LPAR5: variants seen among roughly 807,000 people sequenced by gnomAD.
LPAR5 encodes the protein lysophosphatidic acid receptor 5, also known as G protein-coupled receptor 92.
For synonymous variants in LPAR5, 271 were observed against 261.6 expected (o/e 1.04, Z -0.35); for missense variants, 544 against 521.8 (o/e 1.04, Z -0.41).
At chr12:6,630,713 A>G (rs754894174) in intron 1 of LPAR5, among the ~76,000 whole-genome samples, 1 of 151,830 alleles carries the variant, frequency 6.6e-6, no homozygotes, top group East Asian at 1.9e-4. Context: ...CGGCCTCCCA[A>G]AGTGCTGAGA....
Position 6,635,906 on chromosome 12 carries a change from C to T in LPAR5, c.-217+1G>A, listed in dbSNP as rs1949005785. The T allele has an allele frequency of 6.5e-6, 1 of 152,772 alleles. No individual in the cohort carries two copies. The highest frequency in any genetic ancestry group is 2.1e-4 in the South Asian group (1 of 4,852). The allele number at this position is 152,772 out of a possible 1,614,324, so 9.5% of individuals were successfully genotyped here. ...CAGTTCAATTCGTGACACCCCCATA[C>T]CTGTGCTCCGTGTTGCTCTGCGCTG... On this transcript the variant is annotated splice_donor_variant, in intron 1 of 1. Transcript: ENST00000329858. LOFTEE classifies it low-confidence loss of function (5UTR_SPLICE).
intron 1 of LPAR5, among the ~76,000 whole-genome samples, chr12:6,635,086 CAA>C (rs11438544): frequency 1.4e-4 from 17 of 118,758 alleles, no homozygotes; most frequent in East Asian, 4.8e-4. Context: ...GACTCTGTCT[CAA>C]AAAAAAAAAA....
intron 1 of LPAR5, among the ~76,000 whole-genome samples, chr12:6,630,601 C>T (rs1948975288): frequency 6.6e-6 from 1 of 151,628 alleles, no homozygotes; most frequent in South Asian, 2.1e-4. Flanking sequence ...TACAGGTGCA[C>T]GCCACCATGC....
intron 1 of LPAR5, among the ~76,000 whole-genome samples, chr12:6,628,631 CTTT>C (rs1179212069): frequency 0.058 from 7,298 of 125,966 alleles, 642 homozygotes; most frequent in African/African-American, 0.19. Context: ...CAGCTAATTT[CTTT>C]TTTTTTTTTT....
In LPAR5 at chr12:6,620,340, G is replaced by T; in HGVS notation, c.909C>A (p.Gly303=). 1 of 1,610,758 alleles carries T rather than the reference G, an allele frequency of 6.2e-7. No homozygotes were observed. Among genetic ancestry groups the T allele is most frequent in the Non-Finnish European group, 8.5e-7 (1 of 1,178,748 alleles). The change falls in exon 2 of 2, where the codon GGC becomes GGA. Residue 303 remains glycine, a synonymous_variant. Transcript: ENST00000329858. The surrounding 1 kb of genome is among the most constrained non-coding windows in gnomAD (Gnocchi z 6.8). ...CCAGGCCGCGCAGGGTGTTGCGGAA[G>T]CCCTCGGCGCTAAAGTAGTACACCA... is the stretch of plus-strand genomic sequence containing the variant. The part of the protein sequence containing the change: ...DPLVYYFSAE[G]FRNTLRGLGT...
At position 6,628,310 on chromosome 12, in the gene LPAR5, C is replaced by G. The variant is rs576949558; in HGVS notation, c.-216-6846G>C. Among the ~76,000 whole-genome samples the G allele has an allele frequency of 2.0e-5, 3 of 152,210 alleles. No individual in the cohort carries two copies. In the East Asian group the frequency reaches 5.8e-4, roughly 29 times the overall value. The stretch of plus-strand genomic sequence containing the variant: ...AGCTGGGATTACAGGCGTGAGCCAC[C>G]GCGCCAGGCCCACTTGATCATTCTT... On this transcript the variant is annotated intron_variant, in intron 1 of 1. Coordinates refer to ENST00000329858, the MANE Select transcript of LPAR5 (RefSeq NM_020400.6).
intron 1 of LPAR5, among the ~76,000 whole-genome samples, chr12:6,622,711 C>G (rs1308792567): frequency 6.6e-6 from 1 of 151,810 alleles, no homozygotes; most frequent in African/African-American, 2.4e-5. Flanking sequence ...CCATTGCACT[C>G]CGGCCTGGGT....
intron 1 of LPAR5, among the ~76,000 whole-genome samples, chr12:6,624,240 T>C (rs1283315378): frequency 1.3e-5 from 2 of 152,056 alleles, no homozygotes; most frequent in African/African-American, 4.8e-5. Context: ...GGTTGAGTTT[T>C]GCCAAGTGCT....
chr12:6,632,349 T>C (rs80256009), intron 1 of LPAR5, among the ~76,000 whole-genome samples: 2,759 of 152,222 alleles, frequency 0.018, 101 homozygotes, highest in African/African-American at 0.063. Flanking sequence ...AAGAAGGTTC[T>C]TACATCTCCC....
In LPAR5 at chr12:6,620,773, A is replaced by C. The variant is rs1202710405; in HGVS notation, c.476T>G (p.Val159Gly). 1.3e-6 allele frequency: 2 copies of C among 1,588,036 alleles called. No homozygotes were observed. Among genetic ancestry groups the C allele is most frequent in the Admixed American group, 1.8e-5 (1 of 56,550 alleles). ...GTAGCGGCAACGCGAGGGCCTGTGC[A>C]CGCGGGCGGCGGGCACGGCAAACAC... ...ILVFAVPAARVHRPSRCRYRD... is the reference protein window; with the variant it reads ...ILVFAVPAARGHRPSRCRYRD... The change falls in exon 2 of 2, where the codon GTG (valine) becomes GGG (glycine). Residue 159 changes from valine to glycine, a missense_variant. Physicochemically the swap from Val to Gly is moderately radical, Grantham distance 109. Transcript: ENST00000329858. The surrounding 1 kb of genome is among the most constrained non-coding windows in gnomAD (Gnocchi z 6.8).
rs997073163 is a variant in LPAR5, at chr12:6,620,589, G to A, written c.660C>T (p.Arg220=). 2 of 1,551,066 alleles carry A rather than the reference G, an allele frequency of 1.3e-6. No homozygotes were observed. The highest frequency in any genetic ancestry group is 8.7e-7 in the Non-Finnish European group (1 of 1,147,662). The change falls in exon 2 of 2, where the codon CGC becomes CGT. Residue 220 remains arginine (R), a synonymous_variant. Transcript: ENST00000329858. This position sits in a 1 kb window ranked among gnomAD's most constrained non-coding sequence, Gnocchi z 6.8. ...SSGRVFWTLA[R]PDATQSQRRR... is the part of the protein sequence containing the mutation. ...GCCGCTGGCTCTGCGTGGCGTCGGG[G>A]CGCGCCAGCGTCCAGAAGACTCGGC... is the stretch of plus-strand genomic sequence containing the variant.
chr12:6,633,434 A>C (rs1271308898), intron 1 of LPAR5, among the ~76,000 whole-genome samples: 1 of 149,170 alleles, frequency 6.7e-6, no homozygotes, highest in African/African-American at 2.5e-5. Flanking sequence ...TCTGAGATGG[A>C]GTCTCGCTTG....
intron 1 of LPAR5, among the ~76,000 whole-genome samples, chr12:6,630,839 G>A (rs919530865): frequency 6.6e-6 from 1 of 152,208 alleles, no homozygotes; most frequent in African/African-American, 2.4e-5. Context: ...AGCACTGAGA[G>A]CTGCCAGGCC....
At position 6,620,879 on chromosome 12, in the gene LPAR5, C is replaced by T; in HGVS notation, c.370G>A (p.Val124Met). The change falls in exon 2 of 2, where the codon GTG becomes ATG. Residue 124 changes from valine to methionine, a missense_variant. Transcript: ENST00000329858. The surrounding 1 kb of genome is among the most constrained non-coding windows in gnomAD (Gnocchi z 6.8). Reference sequence around the variant, plus strand: ...AGGTGGCGCAGTCGCAGCGGGTGCACGATGGCGGCGTAGCGGTCCACGTTG... The same window carrying T: ...AGGTGGCGCAGTCGCAGCGGGTGCATGATGGCGGCGTAGCGGTCCACGTTG... The part of the protein sequence containing the change: ...LINVDRYAAI[V>M]HPLRLRHLRR... 3.2e-6 allele frequency: 5 copies of T among 1,573,056 alleles called. 1 individual carries two copies. Among genetic ancestry groups the T allele is most frequent in the East Asian group, 2.3e-5 (1 of 42,716 alleles).
At position 6,621,189 on chromosome 12, in the gene LPAR5, A is replaced by AC. The variant is rs1258903415; in HGVS notation, c.59_60insG (p.Thr21TyrfsTer43). On this transcript the variant is annotated frameshift_variant, in exon 2 of 2. Transcript: ENST00000329858. LOFTEE classifies it low-confidence loss of function (END_TRUNC). The stretch of plus-strand genomic sequence containing the variant: ...AGACCACCAAGTGCAGGCGGTGGGT[A>AC]GGTCGGTAGTCAGGACACGGGAGAA... The AC allele has an allele frequency of 1.3e-6, 2 of 1,557,298 alleles. No individual in the cohort carries two copies. Among genetic ancestry groups the AC allele is most frequent in the African/African-American group, 2.7e-5 (2 of 73,074 alleles).
In LPAR5 at chr12:6,621,350, GA is replaced by G; in HGVS notation, c.-103del. The G allele has an allele frequency of 8.5e-7, 1 of 1,175,552 alleles. No individual in the cohort carries two copies. Among genetic ancestry groups the G allele is most frequent in the Non-Finnish European group, 1.1e-6 (1 of 891,870 alleles). The allele number at this position is 1,175,552 out of a possible 1,614,324, so 72.8% of individuals were successfully genotyped here. On this transcript the variant is annotated 5_prime_UTR_variant, in exon 2 of 2. It removes the in-frame stop codon of an upstream open reading frame in the 5' UTR. Coordinates refer to ENST00000329858, the MANE Select transcript of LPAR5 (RefSeq NM_020400.6). ...GGGGCTGGGGCCTAGAGGCTGTACA[GA>G]CATGGTCCCAAAACAAGCAGAGGGA... is the stretch of plus-strand genomic sequence containing the variant.
intron 1 of LPAR5, among the ~76,000 whole-genome samples, chr12:6,628,712 A>T (rs980644922): frequency 9.4e-5 from 14 of 149,070 alleles, no homozygotes; most frequent in Admixed American, 3.4e-4. Context: ...CGCTCACCGC[A>T]ACCTCTGCCT....
chr12:6,622,736 C>G (rs1592297803), intron 1 of LPAR5, among the ~76,000 whole-genome samples: 1 of 151,004 alleles, frequency 6.6e-6, no homozygotes, highest in Non-Finnish European at 1.5e-5. Context: ...GAGCAAGACT[C>G]TGTCTCAAAA....
At chr12:6,633,785 C>A (rs1238338293) in intron 1 of LPAR5, among the ~76,000 whole-genome samples, 1 of 152,110 alleles carries the variant, frequency 6.6e-6, no homozygotes, top group African/African-American at 2.4e-5. Flanking sequence ...GGGGTATGCA[C>A]TGGGGGCAGC....
Sources: allele counts gnomAD v4.1 joint callset (sites outside exome capture counted in the v4.1 genomes callset), GRCh38; gene constraint gnomAD v4.1.1; non-coding constraint Gnocchi (gnomAD v3.1); transcripts MANE v1.5; gene names NCBI Gene and HGNC (gene_info 2026-07-23, HGNC 2026-07-21).